Variants in OARD1 observed in about 807,000 individuals in gnomAD.
The protein encoded by OARD1 is O-acyl-ADP-ribose deacylase 1.
Under a neutral mutation model 19.7 loss-of-function variants are expected in OARD1, and 19 were observed. The observed-to-expected ratio is 0.96, with a 90% CI of 0.67 to 1.41. OARD1 has a LOEUF of 1.41. Ranked by LOEUF, OARD1 falls within the 40% of genes most tolerant of loss-of-function variation. OARD1 has a pLI of 0.00. For missense variants in OARD1, 190 were observed against 183.8 expected, an observed-to-expected ratio of 1.03 and a Z score of -0.20; for synonymous variants, 70 against 61.8, an observed-to-expected ratio of 1.13 and a Z score of -0.62.
At chr6:41,084,906 A>C (rs1449653458) in intron 1 of OARD1, among the ~76,000 whole-genome samples, 1 of 152,248 alleles carries the variant, frequency 6.6e-6, no homozygotes, top group East Asian at 1.9e-4. Context: ...GGTTGCAGTA[A>C]GCCAAGATTG....
intron 1 of OARD1, chr6:41,089,747 G>A: frequency 6.3e-7 from 1 of 1,599,314 alleles, no homozygotes; most frequent in Non-Finnish European, 8.5e-7. Context: ...GAGCAAAACT[G>A]ATTTGGAAGA....
At chr6:41,085,976 C>T (rs1262407324) in intron 1 of OARD1, among the ~76,000 whole-genome samples, 2 of 152,030 alleles carry the variant, frequency 1.3e-5, no homozygotes, top group Non-Finnish European at 2.9e-5. Context: ...ATATTTTTGC[C>T]AAGATAGAAT....
chr6:41,079,300 C>A, intron 1 of OARD1: 2 of 770,244 alleles, frequency 2.6e-6, no homozygotes, highest in Non-Finnish European at 4.3e-6. Flanking sequence ...ATGGCTTGTG[C>A]TGAAATGCCA....
intron 1 of OARD1, among the ~76,000 whole-genome samples, chr6:41,088,813 T>G (rs1764117822): frequency 6.6e-6 from 1 of 152,204 alleles, no homozygotes; most frequent in Non-Finnish European, 1.5e-5. Flanking sequence ...CTCGAACTCC[T>G]GACCTAATCT....
At chr6:41,082,601 G>C (rs1343259744) in intron 1 of OARD1, among the ~76,000 whole-genome samples, 1 of 152,204 alleles carries the variant, frequency 6.6e-6, no homozygotes, top group African/African-American at 2.4e-5. Flanking sequence ...TACTTACATA[G>C]ATTTTATTTA....
chr6:41,070,194 G>A (rs923405568), intron 3 of OARD1, 60 bp from the exon 4 acceptor site: 38 of 919,262 alleles, frequency 4.1e-5, no homozygotes, highest in Admixed American at 2.7e-4. Context: ...GATCTCTAAA[G>A]ATTTTAAAAT....
At chr6:41,085,681 TG>T (rs1373573513) in intron 1 of OARD1, among the ~76,000 whole-genome samples, 2 of 152,216 alleles carry the variant, frequency 1.3e-5, no homozygotes, top group Non-Finnish European at 2.9e-5. Context: ...TTGTACTTTT[TG>T]TGTATTCTTT....
At chr6:41,081,180 A>G (rs183809736) in intron 1 of OARD1, among the ~76,000 whole-genome samples, 1 of 152,340 alleles carries the variant, frequency 6.6e-6, no homozygotes, top group East Asian at 1.9e-4. Context: ...AAATTCTTAT[A>G]AGTGACATTA....
chr6:41,080,024 G>A (rs1434176514), intron 1 of OARD1, among the ~76,000 whole-genome samples: 4 of 152,156 alleles, frequency 2.6e-5, no homozygotes, highest in African/African-American at 9.7e-5. Flanking sequence ...TTCCACAAAG[G>A]GCCCTCCATT....
chr6:41,067,565 T>C (rs1433855094), intron 5 of OARD1, 128 bp from the exon 6 acceptor site: 2 of 608,688 alleles, frequency 3.3e-6, no homozygotes, highest in South Asian at 4.0e-5. Flanking sequence ...TGGGCAACCA[T>C]GGTAGGAGTT....
chr6:41,092,681 T>C (rs1476148686), intron 1 of OARD1, among the ~76,000 whole-genome samples: 1 of 152,212 alleles, frequency 6.6e-6, no homozygotes, highest in African/African-American at 2.4e-5. Flanking sequence ...GGCATGGTTA[T>C]ATAGTTTCTC....
upstream of OARD1, chr6:41,075,168 T>C (rs565436956): frequency 6.6e-6 from 1 of 152,342 alleles, no homozygotes; most frequent in South Asian, 2.1e-4. Context: ...AAAAAACATG[T>C]ATATTTGCCT....
intron 3 of OARD1, 25 bp downstream of exon 3, chr6:41,071,107 C>A: frequency 6.2e-7 from 1 of 1,613,160 alleles, no homozygotes; most frequent in Non-Finnish European, 8.5e-7. Context: ...CAGGGCAAAC[C>A]AGGTAAGTGG....
chr6:41,090,940 A>G (rs1764183624), intron 1 of OARD1, among the ~76,000 whole-genome samples: 1 of 152,222 alleles, frequency 6.6e-6, no homozygotes, highest in African/African-American at 2.4e-5. Flanking sequence ...TGACTTTGTG[A>G]TTGCAAATTT....
At chr6:41,082,937 C>CGGT (rs1376330468) in intron 1 of OARD1, among the ~76,000 whole-genome samples, 1 of 152,092 alleles carries the variant, frequency 6.6e-6, no homozygotes, top group Non-Finnish European at 1.5e-5. Context: ...GCAGTGGCGG[C>CGGT]GGTGGTGGTG....
chr6:41,071,078 G>C (rs755390494), intron 3 of OARD1, 54 bp downstream of exon 3: 1 of 1,563,504 alleles, frequency 6.4e-7, no homozygotes, highest in Non-Finnish European at 8.8e-7. Flanking sequence ...AAGTGTAACA[G>C]ATTAAAAGGT....
intron 1 of OARD1, chr6:41,089,822 A>T: frequency 6.9e-7 from 1 of 1,440,534 alleles, no homozygotes; most frequent in Non-Finnish European, 9.3e-7. Flanking sequence ...TGAAAACCAT[A>T]AAAAAATATA....
intron 1 of OARD1, among the ~76,000 whole-genome samples, chr6:41,083,881 A>G (rs1479438789): frequency 6.6e-6 from 1 of 152,274 alleles, no homozygotes; most frequent in African/African-American, 2.4e-5. Context: ...AACAGGATTC[A>G]TAGATATTTA....
At chr6:41,072,975 C>CT (rs1473069069), upstream of OARD1, 1 of 154,926 alleles carries the variant, frequency 6.5e-6, no homozygotes, top group East Asian at 1.9e-4. Context: ...CGCCATTTTG[C>CT]TAGGCAGCGG....
Sources: allele counts gnomAD v4.1 joint callset (sites outside exome capture counted in the v4.1 genomes callset), GRCh38; gene constraint gnomAD v4.1.1; transcripts MANE v1.5; gene names NCBI Gene and HGNC (gene_info 2026-07-23, HGNC 2026-07-21).